LDHC: variants seen among roughly 807,000 people sequenced by gnomAD.
LDHC encodes lactate dehydrogenase C, also known as L-lactate dehydrogenase C chain.
LDHC carries 20 observed loss-of-function variants against 30.2 expected under a neutral mutation model. The ratio of observed to expected loss-of-function variants is 0.66; its 90% CI spans 0.47 to 0.96. The LOEUF (loss-of-function observed/expected upper bound fraction) is 0.96. LDHC is among the 40% of genes least tolerant of loss of function. The pLI, the probability that LDHC is intolerant of heterozygous loss-of-function variation, is 0.00. For missense variants in LDHC, 362 were observed against 394.9 expected (o/e 0.92, Z 0.71); for synonymous variants, 139 against 132.7 (o/e 1.05, Z -0.32).
At chr11:18,427,818 C>T (rs1848188826) in intron 3 of LDHC, among the ~76,000 whole-genome samples, 1 of 151,814 alleles carries the variant, frequency 6.6e-6, no homozygotes, top group Non-Finnish European at 1.5e-5. Flanking sequence ...ACTGGGATTA[C>T]AGCACGTGCC....
At chr11:18,445,375 G>T (rs1326123655) in intron 6 of LDHC, among the ~76,000 whole-genome samples, 5 of 152,072 alleles carry the variant, frequency 3.3e-5, no homozygotes, top group Admixed American at 3.3e-4. Flanking sequence ...TTTTAGTAGA[G>T]ATGGGGTTTC....
At chr11:18,425,444 G>A (rs1341618795) in intron 3 of LDHC, among the ~76,000 whole-genome samples, 1 of 152,012 alleles carries the variant, frequency 6.6e-6, no homozygotes, top group African/African-American at 2.4e-5. Flanking sequence ...GCAGTGGCAC[G>A]ATCTCAGCTC....
At chr11:18,435,366 G>A (rs1212983941) in intron 5 of LDHC, among the ~76,000 whole-genome samples, 1 of 152,034 alleles carries the variant, frequency 6.6e-6, no homozygotes, top group Non-Finnish European at 1.5e-5. Context: ...TTTCACAATA[G>A]TGAGTTCTTG....
chr11:18,437,333 T>C (rs530862350), intron 5 of LDHC, among the ~76,000 whole-genome samples: 7 of 152,374 alleles, frequency 4.6e-5, no homozygotes, highest in African/African-American at 1.7e-4. Context: ...AAATAAATTC[T>C]ACTACATATT....
At chr11:18,443,953 A>T (rs542614353) in intron 6 of LDHC, among the ~76,000 whole-genome samples, 9 of 152,316 alleles carry the variant, frequency 5.9e-5, no homozygotes, top group African/African-American at 1.9e-4. Context: ...CAGAGGATCT[A>T]TAATTATAAA....
intron 7 of LDHC, among the ~76,000 whole-genome samples, chr11:18,448,268 AT>A (rs992999533): frequency 7.2e-5 from 11 of 152,056 alleles, no homozygotes; most frequent in Non-Finnish European, 1.3e-4. Context: ...GTCAATGGAC[AT>A]TATATTTTAA....
At chr11:18,420,402 A>G (rs1375726329) in intron 3 of LDHC, among the ~76,000 whole-genome samples, 1 of 152,172 alleles carries the variant, frequency 6.6e-6, no homozygotes, top group African/African-American at 2.4e-5. Flanking sequence ...AGAAGTTCTT[A>G]AAAATTGTCA....
intron 3 of LDHC, among the ~76,000 whole-genome samples, chr11:18,426,761 G>T (rs1197055459): frequency 6.6e-6 from 1 of 152,036 alleles, no homozygotes; most frequent in Admixed American, 6.6e-5. Context: ...GATAAATAAT[G>T]AATGATATGA....
chr11:18,435,111 A>G (rs1323446589), intron 5 of LDHC, among the ~76,000 whole-genome samples, 198 bp downstream of exon 5: 3 of 152,210 alleles, frequency 2.0e-5, no homozygotes, highest in African/African-American at 7.2e-5. Context: ...AAAATAGTCC[A>G]CAAAGCATAT....
At position 18,421,833 on chromosome 11, in the gene LDHC, C is replaced by G. The variant is rs138517136; in HGVS notation, c.244+6532C>G. On this transcript the variant is annotated intron_variant, in intron 3 of 7. Transcript: ENST00000541669. Reference sequence around the variant, plus strand: ...ACAAAAGAACAGAAACCTTTAAATTCTTAAAGGTGTCTGGGCATGGTGGCT... The same window carrying G: ...ACAAAAGAACAGAAACCTTTAAATTGTTAAAGGTGTCTGGGCATGGTGGCT... 7.1e-4 allele frequency among the ~76,000 whole-genome samples: 108 copies of G among 152,168 alleles called. 2 individuals are homozygous for G. The highest frequency in any genetic ancestry group is 2.5e-3 in the African/African-American group (102 of 41,542).
intron 6 of LDHC, among the ~76,000 whole-genome samples, chr11:18,444,603 G>GGT (rs1848518173): frequency 2.2e-4 from 17 of 75,656 alleles, no homozygotes; most frequent in South Asian, 1.2e-3. Flanking sequence ...GTGTTCAGGT[G>GGT]GTATATATAT....
Position 18,426,264 on chromosome 11 carries a change from C to T in LDHC, c.245-3473C>T, listed in dbSNP as rs187028784. ...TTTATGGACCAGGTGTGGTGGCTCACGCCTGTAATCCCAGCACTTTGGGAG... is the reference window on the plus strand; with the variant it reads ...TTTATGGACCAGGTGTGGTGGCTCATGCCTGTAATCCCAGCACTTTGGGAG... On this transcript the variant is annotated intron_variant, in intron 3 of 7. Transcript: ENST00000541669. Among the ~76,000 whole-genome samples, 27 of 152,204 alleles carry T rather than the reference C, an allele frequency of 1.8e-4. No individual in the cohort carries two copies. The East Asian group carries it at 3.9e-3, about 22-fold the overall frequency.
intron 3 of LDHC, among the ~76,000 whole-genome samples, chr11:18,428,783 G>C (rs1044696188): frequency 3.3e-5 from 5 of 151,816 alleles, no homozygotes; most frequent in Middle Eastern, 3.2e-3. Context: ...GCTGATGTGG[G>C]AGAATCTCTT....
chr11:18,450,853 A>T, intron 7 of LDHC, 110 bp from the exon 8 acceptor site: 1 of 754,386 alleles, frequency 1.3e-6, no homozygotes, highest in Non-Finnish European at 2.1e-6. Context: ...CCTCTGAGCG[A>T]TTCTTGTTGA....
intron 2 of LDHC, among the ~76,000 whole-genome samples, chr11:18,414,284 G>A (rs1866963599): frequency 6.6e-6 from 1 of 152,146 alleles, no homozygotes; most frequent in African/African-American, 2.4e-5. Flanking sequence ...AGGAAAGGAT[G>A]GAACAATTGG....
chr11:18,449,659 G>A (rs1388896057), intron 7 of LDHC, among the ~76,000 whole-genome samples: 3 of 152,192 alleles, frequency 2.0e-5, no homozygotes, highest in South Asian at 4.2e-4. Context: ...ATGAGGGTGA[G>A]TGTAAAGTGG....
intron 6 of LDHC, among the ~76,000 whole-genome samples, chr11:18,441,923 A>AACAAT (rs1254910820): frequency 2.0e-5 from 3 of 152,052 alleles, no homozygotes; most frequent in Admixed American, 6.5e-5. Flanking sequence ...AACAAAACAA[A>AACAAT]ACAACAGTAT....
intron 3 of LDHC, among the ~76,000 whole-genome samples, chr11:18,426,028 A>AG (rs1848156734): frequency 2.6e-5 from 2 of 77,990 alleles, no homozygotes; most frequent in African/African-American, 8.1e-5. Context: ...GATTAGCCAC[A>AG]ATTTTTTTTT....
intron 6 of LDHC, among the ~76,000 whole-genome samples, chr11:18,443,649 G>A (rs2133844820): frequency 6.6e-6 from 1 of 151,976 alleles, no homozygotes; most frequent in East Asian, 1.9e-4. Context: ...TGGTAGTGAT[G>A]GGGTTTCACC....
Sources: allele counts gnomAD v4.1 joint callset (sites outside exome capture counted in the v4.1 genomes callset), GRCh38; gene constraint gnomAD v4.1.1; transcripts MANE v1.5; gene names NCBI Gene and HGNC (gene_info 2026-07-23, HGNC 2026-07-21).